The following SV2C variants were observed in gnomAD, a reference collection of about 807,000 sequenced individuals.
SV2C encodes solute carrier family 22 member B3.
A neutral mutation model predicts 79.7 loss-of-function variants in SV2C; 49 were observed. That is an observed-to-expected ratio of 0.61 (90% CI 0.49 to 0.78). SV2C has a LOEUF of 0.78. SV2C is among the 30% of genes least tolerant of loss of function. The pLI is 0.00. For synonymous variants in SV2C, 334 were observed against 333.2 expected, an observed-to-expected ratio of 1.00 and a Z score of -0.03; for missense variants, 833 against 912.9, an observed-to-expected ratio of 0.91 and a Z score of 1.13.
At chr5:75,952,614 T>C in the SV2C span, among the ~76,000 whole-genome samples, 1 of 151,750 alleles carries the variant, frequency 6.6e-6, no homozygotes, top group Non-Finnish European at 1.5e-5. Context: ...ATCTGGTTGT[T>C]TAAGAGTCTG....
the SV2C span, among the ~76,000 whole-genome samples, chr5:75,950,324 A>G: frequency 1.7e-4 from 26 of 152,158 alleles, no homozygotes; most frequent in South Asian, 5.2e-3. Flanking sequence ...ATTACAAATG[A>G]ATTTAATCAT....
At chr5:75,953,423 A>G in the SV2C span, among the ~76,000 whole-genome samples, 1 of 151,904 alleles carries the variant, frequency 6.6e-6, no homozygotes, top group African/African-American at 2.4e-5. Flanking sequence ...TACCTATTTC[A>G]TTTTTCATAA....
At chr5:75,852,440 G>A in the SV2C span, among the ~76,000 whole-genome samples, 1 of 152,160 alleles carries the variant, frequency 6.6e-6, no homozygotes. Flanking sequence ...AACACATGCA[G>A]ACGAGAATTA....
intron 4 of SV2C, chr5:76,281,185 A>G (rs1379075274): frequency 1.9e-6 from 1 of 535,632 alleles, no homozygotes. Context: ...AATCCTTAAA[A>G]AAAGTAAGCC....
At chr5:75,946,766 G>A in the SV2C span, among the ~76,000 whole-genome samples, 5 of 151,950 alleles carry the variant, frequency 3.3e-5, no homozygotes, top group Admixed American at 2.0e-4. Flanking sequence ...CAGGGGGTAG[G>A]GTTTGACTAC....
At chr5:76,176,853 C>T (rs1270480203) in intron 2 of SV2C, among the ~76,000 whole-genome samples, 4 of 152,266 alleles carry the variant, frequency 2.6e-5, no homozygotes, top group South Asian at 2.1e-4. Flanking sequence ...AGGTGGCTCA[C>T]GCCTGTAATC....
At chr5:75,928,729 C>T in the SV2C span, among the ~76,000 whole-genome samples, 1 of 152,100 alleles carries the variant, frequency 6.6e-6, no homozygotes, top group African/African-American at 2.4e-5. Context: ...GTCTCTGTGT[C>T]ATCCCTCTGT....
chr5:76,012,855 A>G, the SV2C span, among the ~76,000 whole-genome samples: 1 of 152,196 alleles, frequency 6.6e-6, no homozygotes, highest in African/African-American at 2.4e-5. Context: ...CATTTATTAA[A>G]TAGGGAATCA....
the SV2C span, among the ~76,000 whole-genome samples, chr5:75,884,288 A>G: frequency 6.6e-6 from 1 of 152,166 alleles, no homozygotes; most frequent in Non-Finnish European, 1.5e-5. Flanking sequence ...AGGAATATTA[A>G]GTGGAACCTG....
the SV2C span, among the ~76,000 whole-genome samples, chr5:75,931,193 C>T: frequency 6.6e-6 from 1 of 152,144 alleles, no homozygotes; most frequent in Admixed American, 6.5e-5. Flanking sequence ...AGATAGAATC[C>T]TAGTTTTAGG....
the SV2C span, among the ~76,000 whole-genome samples, chr5:76,066,460 AG>A: frequency 2.9e-5 from 1 of 34,722 alleles, no homozygotes; most frequent in South Asian, 1.2e-3. Context: ...GGGTGGGGGG[AG>A]GGGGGAGGGG....
At chr5:76,093,694 C>T (rs1747452230) in intron 1 of SV2C, among the ~76,000 whole-genome samples, 1 of 152,188 alleles carries the variant, frequency 6.6e-6, no homozygotes, top group African/African-American at 2.4e-5. Context: ...GGCTTCTGAG[C>T]CGCAGTGATC....
At chr5:76,253,877 A>G (rs1746186270) in intron 4 of SV2C, among the ~76,000 whole-genome samples, 2 of 152,206 alleles carry the variant, frequency 1.3e-5, no homozygotes, top group South Asian at 4.1e-4. Context: ...AAGAAAAACT[A>G]GTTCAATTTT....
downstream of SV2C, among the ~76,000 whole-genome samples, chr5:76,336,671 A>T (rs1749335905): frequency 6.6e-6 from 1 of 151,986 alleles, no homozygotes; most frequent in African/African-American, 2.4e-5. Flanking sequence ...CCGGCGGACC[A>T]CTCGCAGTTA....
At chr5:76,150,270 C>T (rs1024505863) in intron 2 of SV2C, among the ~76,000 whole-genome samples, 3 of 151,570 alleles carry the variant, frequency 2.0e-5, no homozygotes, top group Admixed American at 6.6e-5. Flanking sequence ...TTCTGCCTCT[C>T]GGGTTCAAGT....
the SV2C span, among the ~76,000 whole-genome samples, chr5:76,016,915 C>A: frequency 1.3e-5 from 2 of 152,198 alleles, no homozygotes; most frequent in African/African-American, 4.8e-5. Flanking sequence ...TGGTGCATGT[C>A]ATTAATATCA....
the SV2C span, among the ~76,000 whole-genome samples, chr5:75,967,935 T>A: frequency 6.6e-6 from 1 of 152,176 alleles, no homozygotes; most frequent in South Asian, 2.1e-4. Context: ...AGGGGCAGAC[T>A]GAGACCTCAC....
At chr5:75,899,157 T>A in the SV2C span, among the ~76,000 whole-genome samples, 1 of 152,206 alleles carries the variant, frequency 6.6e-6, no homozygotes, top group Non-Finnish European at 1.5e-5. Flanking sequence ...TTAATTGCAA[T>A]GTTAGGGTGT....
At chr5:75,938,631 T>G in the SV2C span, among the ~76,000 whole-genome samples, 1 of 152,142 alleles carries the variant, frequency 6.6e-6, no homozygotes, top group Non-Finnish European at 1.5e-5. Flanking sequence ...AGGGCAGTAA[T>G]TGTCATTGGC....
Sources: gnomAD v4.1 joint callset for allele counts (sites outside exome capture counted in the v4.1 genomes callset) on GRCh38, gnomAD v4.1.1 for gene constraint, MANE v1.5 for transcripts, NCBI Gene and HGNC (gene_info 2026-07-23, HGNC 2026-07-21) for gene names.